MAMLD1: variants seen among roughly 807,000 people sequenced by gnomAD.
MAMLD1 encodes mastermind-like domain-containing protein 1.
A neutral mutation model predicts 45.0 loss-of-function variants in MAMLD1; 14 were observed. The ratio of observed to expected loss-of-function variants is 0.31; its 90% CI spans 0.21 to 0.49. MAMLD1 has a LOEUF of 0.49. Among genes scored for constraint, MAMLD1 ranks in the 20% least tolerant of loss-of-function variants. The pLI, the probability that MAMLD1 is intolerant of heterozygous loss-of-function variation, is 0.99. For synonymous variants in MAMLD1, 254 were observed against 247.8 expected (o/e 1.02, Z -0.24); for missense variants, 543 against 603.6 (o/e 0.90, Z 1.05).
At chrX:150,481,183 G>A (rs1557407151) in intron 5 of MAMLD1, among the ~76,000 whole-genome samples, 1 of 112,997 alleles carries the variant, frequency 8.8e-6, no homozygotes, top group Non-Finnish European at 1.9e-5. Context: ...ATCCCTGAGT[G>A]GGAATAACTG....
At chrX:150,365,246 G>A (rs1358402147) in intron 1 of MAMLD1, among the ~76,000 whole-genome samples, 2 of 112,173 alleles carry the variant, frequency 1.8e-5, no homozygotes, top group East Asian at 5.7e-4. Context: ...GTTTCGAGCC[G>A]CTCGGGACAG....
At position 150,438,058 on chromosome X, in the gene MAMLD1, G is replaced by A. The variant is rs782709533; in HGVS notation, c.-63-7396G>A. ...TATCAACTGTGTATTTCTTTGTATC[G>A]CTGAGTAGTCTTCCATAGTATACAT... On this transcript the variant is annotated intron_variant, in intron 1 of 7. Coordinates refer to ENST00000370401, the MANE Select transcript of MAMLD1 (RefSeq NM_005491.5). Among the ~76,000 whole-genome samples the A allele has an allele frequency of 7.3e-5, 8 of 110,070 alleles. No homozygotes were observed. In the South Asian group the frequency reaches 1.9e-3, roughly 27 times the overall value.
upstream of MAMLD1, among the ~76,000 whole-genome samples, chrX:150,362,155 G>C (rs782713368): frequency 3.8e-3 from 422 of 112,184 alleles, 3 homozygotes; most frequent in African/African-American, 0.013. Context: ...GTCAGGGCGC[G>C]AGCTGGTGAG....
chrX:150,430,686 T>C lies in MAMLD1; in HGVS notation c.-63-14768T>C, dbSNP rs781911850. On this transcript the variant is annotated intron_variant, in intron 1 of 7. Transcript: ENST00000370401. ...TATAGATTGAAGTTCATGTTTTGCC[T>C]ATAGATATTCCAGAACCATGTGTTG... is the stretch of plus-strand genomic sequence containing the variant. Among the ~76,000 whole-genome samples the C allele has an allele frequency of 7.1e-5, 8 of 112,312 alleles. No homozygotes were observed. In the South Asian group the frequency reaches 2.9e-3, roughly 41 times the overall value.
chrX:150,373,583 G>A (rs2032151039), intron 1 of MAMLD1, among the ~76,000 whole-genome samples: 1 of 111,634 alleles, frequency 9.0e-6, no homozygotes, highest in Non-Finnish European at 1.9e-5. Flanking sequence ...GCCCTATTCT[G>A]CATACGGCTG....
At chrX:150,446,725 T>A in intron 2 of MAMLD1, among the ~76,000 whole-genome samples, 1 of 112,648 alleles carries the variant, frequency 8.9e-6, no homozygotes, top group Non-Finnish European at 1.9e-5. Flanking sequence ...CAGCAGCCTG[T>A]CCAAATTGCC....
At chrX:150,450,781 C>T (rs1451813293) in intron 2 of MAMLD1, among the ~76,000 whole-genome samples, 2 of 112,035 alleles carry the variant, frequency 1.8e-5, no homozygotes, top group African/African-American at 6.5e-5. Flanking sequence ...GCCACAGTCT[C>T]ATCAGCAGCC....
At position 150,374,649 on chromosome X, in the gene MAMLD1, C is replaced by A. The variant is rs150079645; in HGVS notation, c.-64+11119C>A. 5.4e-3 allele frequency among the ~76,000 whole-genome samples: 606 copies of A among 111,815 alleles called. 2 individuals are homozygous for A. Among genetic ancestry groups the A allele is most frequent in the African/African-American group, 0.019 (575 of 30,744 alleles). On this transcript the variant is annotated intron_variant, in intron 1 of 7. Transcript: ENST00000370401. ...AAAGAGACTCTGGCTTGGGAGGGAC[C>A]TCAAAGAGCATGCAGTGTGTCCAGG...
rs1557401940 is a variant in MAMLD1 at position 150,383,192 on chromosome X, C to G, written c.-64+19662C>G. ...GTGCTGGGATTACAGGCGTGAGCCA[C>G]CGCGCCCGGCCCTGTCCCATTTTAG... On this transcript the variant is annotated intron_variant, in intron 1 of 7. Transcript: ENST00000370401. Among the ~76,000 whole-genome samples, 2 of 31,313 alleles carry G rather than the reference C, an allele frequency of 6.4e-5. 1 individual carries two copies. Among genetic ancestry groups the G allele is most frequent in the Non-Finnish European group, 1.2e-4 (2 of 16,348 alleles). The allele number at this position is 31,313 out of a possible 115,157, so 27.2% of individuals were successfully genotyped here. A position where few individuals can be genotyped will look rare whatever the true frequency, so the allele number is the denominator to read the frequency against.
intron 5 of MAMLD1, among the ~76,000 whole-genome samples, chrX:150,495,399 G>C: frequency 8.9e-6 from 1 of 112,000 alleles, no homozygotes; most frequent in Non-Finnish European, 1.9e-5. Context: ...CCACCATCAG[G>C]ACACTAGCAG....
At chrX:150,371,420 G>C (rs895958303) in intron 1 of MAMLD1, among the ~76,000 whole-genome samples, 3 of 110,739 alleles carry the variant, frequency 2.7e-5, no homozygotes, top group African/African-American at 6.6e-5. Context: ...CGAGTACCTA[G>C]ACACTAGACC....
intron 5 of MAMLD1, among the ~76,000 whole-genome samples, chrX:150,486,918 A>G (rs1249843913): frequency 8.9e-5 from 10 of 112,380 alleles, no homozygotes; most frequent in Admixed American, 1.9e-4. Context: ...GGTCAGACTC[A>G]GTTTCCTATT....
intron 6 of MAMLD1, chrX:150,504,197 TCA>T (rs2037655741): frequency 5.3e-6 from 4 of 752,334 alleles, no homozygotes; most frequent in African/African-American, 2.3e-5. Flanking sequence ...CAGAGTCGCA[TCA>T]GTGGTCATGA....
Position 150,406,902 on chromosome X carries a change from G to GT in MAMLD1, c.-63-38551dup, listed in dbSNP as rs1250100822. 2.7e-5 allele frequency among the ~76,000 whole-genome samples: 3 copies of GT among 111,542 alleles called. No homozygotes were observed. In the Admixed American group the frequency reaches 2.9e-4, roughly 11 times the overall value. ...GACTCATGGCTCCCAAACTCTCTCA[G>GT]TGGGGAAAAATGGTGGAGTGCCCAT... On this transcript the variant is annotated intron_variant, in intron 1 of 7. Coordinates refer to ENST00000370401, the MANE Select transcript of MAMLD1 (RefSeq NM_005491.5).
intron 1 of MAMLD1, among the ~76,000 whole-genome samples, chrX:150,366,478 T>A (rs782322908): frequency 8.9e-6 from 1 of 112,170 alleles, no homozygotes; most frequent in African/African-American, 3.2e-5. Flanking sequence ...GCAAGATCAT[T>A]GGAAAATAAA....
At position 150,382,542 on chromosome X, in the gene MAMLD1, C is replaced by G. The variant is rs188059259; in HGVS notation, c.-64+19012C>G. On this transcript the variant is annotated intron_variant, in intron 1 of 7. Coordinates refer to ENST00000370401, the MANE Select transcript of MAMLD1 (RefSeq NM_005491.5). ...TTTGCTGAGATTTTGATGAGAACTG[C>G]ATTAAACCTACAGGTCAATTCAAGA... is the stretch of plus-strand genomic sequence containing the variant. Among the ~76,000 whole-genome samples the G allele has an allele frequency of 5.1e-4, 57 of 111,799 alleles. No individual in the cohort carries two copies. The East Asian group carries it at 0.012, about 23-fold the overall frequency.
intron 1 of MAMLD1, among the ~76,000 whole-genome samples, chrX:150,444,669 G>A (rs372582592): frequency 2.4e-4 from 27 of 112,136 alleles, no homozygotes; most frequent in African/African-American, 8.4e-4. Flanking sequence ...ATGCTGTACT[G>A]CCAAGGAGGT....
At chrX:150,478,763 C>T (rs1476528161) in intron 5 of MAMLD1, among the ~76,000 whole-genome samples, 1 of 112,433 alleles carries the variant, frequency 8.9e-6, no homozygotes, top group African/African-American at 3.2e-5. Context: ...AAATGTTTTC[C>T]TGAATGAGCA....
intron 1 of MAMLD1, among the ~76,000 whole-genome samples, chrX:150,436,987 G>C (rs1489988750): frequency 9.1e-6 from 1 of 110,386 alleles, no homozygotes; most frequent in Non-Finnish European, 1.9e-5. Flanking sequence ...AGATTTTAGT[G>C]GGGCAAAGCT....
Sources: allele counts gnomAD v4.1 joint callset (sites outside exome capture counted in the v4.1 genomes callset), GRCh38; gene constraint gnomAD v4.1.1; transcripts MANE v1.5; gene names NCBI Gene and HGNC (gene_info 2026-07-23, HGNC 2026-07-21).